Variants in HTR6 observed in about 807,000 individuals in gnomAD.
The protein encoded by HTR6 is 5-hydroxytryptamine receptor 6.
A neutral mutation model predicts 17.4 loss-of-function variants in HTR6; 15 were observed. That is an observed-to-expected ratio of 0.86 (90% confidence interval 0.58 to 1.33). HTR6 has a LOEUF of 1.33. HTR6 is among the 40% of genes most tolerant of loss of function. HTR6 has a pLI of 0.00. For missense variants in HTR6, 578 were observed against 616.0 expected (o/e 0.94, Z 0.65); for synonymous variants, 326 against 295.5 (o/e 1.10, Z -1.06).
intron 1 of HTR6, among the ~76,000 whole-genome samples, chr1:19,670,467 C>CTT (rs34145209): frequency 0.024 from 3,240 of 137,646 alleles, 135 homozygotes; most frequent in African/African-American, 0.082. Flanking sequence ...GTTTTTCTGC[C>CTT]TTTTTTTTTT....
chr1:19,674,262 T>A (rs922742133), intron 1 of HTR6, among the ~76,000 whole-genome samples: 2 of 152,244 alleles, frequency 1.3e-5, no homozygotes, highest in African/African-American at 4.8e-5. Flanking sequence ...ACAAATAGGA[T>A]CATGCTGTAT....
rs2095082239 is a variant in HTR6, at chr1:19,666,810, A to C, written c.714+343A>C. On this transcript the variant is annotated intron_variant, in intron 1 of 2. Coordinates refer to ENST00000289753, the MANE Select transcript of HTR6 (RefSeq NM_000871.3). This position sits in a 1 kb window ranked among gnomAD's most constrained non-coding sequence, Gnocchi z 4.5. The stretch of plus-strand genomic sequence containing the variant: ...GAACTTAGGAATACTTTTCTCCCTC[A>C]CCCTCATGCCATTCATTAGCGAGAC... 6.6e-6 allele frequency among the ~76,000 whole-genome samples: 1 copy of C among 151,556 alleles called. No homozygotes were observed. Among genetic ancestry groups the C allele is most frequent in the Admixed American group, 6.6e-5 (1 of 15,210 alleles).
intron 1 of HTR6, among the ~76,000 whole-genome samples, chr1:19,671,944 G>A (rs544082459): frequency 1.6e-4 from 24 of 152,250 alleles, no homozygotes; most frequent in African/African-American, 5.3e-4. Flanking sequence ...AGGAAGAGCC[G>A]TGGGGCAGAG....
chr1:19,673,664 C>T (rs774997107), intron 1 of HTR6, among the ~76,000 whole-genome samples: 7 of 152,168 alleles, frequency 4.6e-5, no homozygotes, highest in Non-Finnish European at 7.3e-5. Flanking sequence ...CGCCATTGCA[C>T]TCCAGCCTGG....
Position 19,678,622 on chromosome 1 carries a change from C to T in HTR6, c.770C>T (p.Thr257Met), listed in dbSNP as rs756332636. 38 of 1,613,428 alleles carry T rather than the reference C, an allele frequency of 2.4e-5. No homozygotes were observed. Among genetic ancestry groups the T allele is most frequent in the African/African-American group, 1.5e-4 (11 of 74,918 alleles). Residue 257 changes from threonine (T) to methionine (M), a missense_variant, in exon 2 of 3, where the codon ACG becomes ATG. Thr to Met is a moderately conservative substitution (Grantham distance 81). Transcript: ENST00000289753. ...VESADSRRLA[T>M]KHSRKALKAS... ...TCTGCTGACAGCAGGCGTCTAGCCA[C>T]GAAGCACAGCAGGAAGGCCCTGAAG... is the stretch of plus-strand genomic sequence containing the variant.
At chr1:19,668,989 T>C (rs1231996621) in intron 1 of HTR6, among the ~76,000 whole-genome samples, 1 of 152,154 alleles carries the variant, frequency 6.6e-6, no homozygotes, top group African/African-American at 2.4e-5. Context: ...CGTGGGACTT[T>C]CTCTTGACGC....
chr1:19,672,852 A>G (rs2095089824), intron 1 of HTR6, among the ~76,000 whole-genome samples: 1 of 152,092 alleles, frequency 6.6e-6, no homozygotes, highest in African/African-American at 2.4e-5. Flanking sequence ...CAACATAGCG[A>G]GCTCCTGTCT....
In HTR6 at chr1:19,665,850, C is replaced by T; in HGVS notation, c.97C>T (p.Leu33=). ...PGGSGWVAAA[L]CVVIALTAAA... ...GGGCAGCGGCTGGGTGGCGGCCGCG[C>T]TGTGCGTGGTCATCGCGCTGACGGC... The change falls in exon 1 of 3, where the codon CTG becomes TTG. Residue 33 remains leucine, a synonymous_variant. Coordinates refer to ENST00000289753, the MANE Select transcript of HTR6 (RefSeq NM_000871.3). The surrounding 1 kb of genome is among the most constrained non-coding windows in gnomAD (Gnocchi z 4.2). 6.3e-7 allele frequency: 1 copy of T among 1,584,450 alleles called. No individual in the cohort carries two copies. Among genetic ancestry groups the T allele is most frequent in the Non-Finnish European group, 8.6e-7 (1 of 1,165,910 alleles).
rs149152488 is a variant in HTR6, at chr1:19,679,035, G to T, written c.990G>T (p.Ala330=). The T allele has an allele frequency of 1.9e-6, 3 of 1,614,110 alleles. No homozygotes were observed. Among genetic ancestry groups the T allele is most frequent in the Non-Finnish European group, 2.5e-6 (3 of 1,179,964 alleles). The change falls in exon 3 of 3, where the codon GCG becomes GCT. Residue 330 remains alanine (A), a synonymous_variant. Transcript: ENST00000289753. This position sits in a 1 kb window ranked among gnomAD's most constrained non-coding sequence, Gnocchi z 4.9. ...YPLFMRDFKR[A]LGRFLPCPRC... is the part of the protein sequence containing the mutation. ...TCTTCATGCGGGACTTCAAGCGGGCGCTGGGCAGGTTCCTGCCATGTCCAC... is the reference window on the plus strand; with the variant it reads ...TCTTCATGCGGGACTTCAAGCGGGCTCTGGGCAGGTTCCTGCCATGTCCAC...
rs1228749692 is a variant in HTR6 at position 19,679,958 on chromosome 1, C to T, written c.*590C>T. 6.6e-6 allele frequency among the ~76,000 whole-genome samples: 1 copy of T among 152,154 alleles called. No individual in the cohort carries two copies. The highest frequency in any genetic ancestry group is 2.4e-5 in the African/African-American group (1 of 41,446). On this transcript the variant is annotated 3_prime_UTR_variant, in exon 3 of 3. Coordinates refer to ENST00000289753, the MANE Select transcript of HTR6 (RefSeq NM_000871.3). The surrounding 1 kb of genome is among the most constrained non-coding windows in gnomAD (Gnocchi z 4.9). ...CATCTTTAACCCTCAGAATGATTTG[C>T]TGGATGGTTTTTGGACCTGTCAGTC...
Position 19,665,813 on chromosome 1 carries a change from G to A in HTR6, c.60G>A (p.Pro20=). 7 of 1,532,360 alleles carry A rather than the reference G, an allele frequency of 4.6e-6. No individual in the cohort carries two copies. The highest frequency in any genetic ancestry group is 6.1e-6 in the Non-Finnish European group (7 of 1,148,012). 94.9% of individuals were successfully genotyped at this position (1,532,360 alleles called of 1,614,324 possible). A position where few individuals can be genotyped will look rare whatever the true frequency, so the allele number is the denominator to read the frequency against. Residue 20 remains proline (P), a synonymous_variant, in exon 1 of 3, where the codon CCG becomes CCA. Transcript: ENST00000289753. This position sits in a 1 kb window ranked among gnomAD's most constrained non-coding sequence, Gnocchi z 4.2. ...NSTPAWGAGP[P]SAPGGSGWVA... is the part of the protein sequence containing the mutation. ...CCCCGGCCTGGGGGGCAGGGCCGCC[G>A]TCGGCCCCGGGGGGCAGCGGCTGGG... is the stretch of plus-strand genomic sequence containing the variant.
In HTR6 at chr1:19,680,846, T is replaced by C. The variant is rs1166351226; in HGVS notation, c.*1478T>C. 6.6e-6 allele frequency among the ~76,000 whole-genome samples: 1 copy of C among 152,178 alleles called. No homozygotes were observed. The highest frequency in any genetic ancestry group is 1.5e-5 in the Non-Finnish European group (1 of 68,032). ...ATGCCTGGCCTGGCCCTCTCCTTGG[T>C]GCTGATGAGACACAACTCTGGCCCC... On this transcript the variant is annotated 3_prime_UTR_variant, in exon 3 of 3. Coordinates refer to ENST00000289753, the MANE Select transcript of HTR6 (RefSeq NM_000871.3).
chr1:19,667,478 C>T (rs937867706), intron 1 of HTR6, among the ~76,000 whole-genome samples: 2 of 151,676 alleles, frequency 1.3e-5, no homozygotes, highest in Non-Finnish European at 2.9e-5. Context: ...GGCAGTGGTG[C>T]GATCTTGGCT....
In HTR6 at chr1:19,666,548, CT is replaced by C; in HGVS notation, c.714+83del. 9.7e-7 allele frequency: 1 copy of C among 1,035,378 alleles called. No homozygotes were observed. Among genetic ancestry groups the C allele is most frequent in the Non-Finnish European group, 1.4e-6 (1 of 723,112 alleles). The allele number at this position is 1,035,378 out of a possible 1,614,324, so 64.1% of individuals were successfully genotyped here. Reference sequence around the variant, plus strand: ...CCTGGGGACCCCCTGGGCATCCCCACTTAGCACACATTTGCTCATGGCCCTG... The same window carrying C: ...CCTGGGGACCCCCTGGGCATCCCCACTAGCACACATTTGCTCATGGCCCTG... On this transcript the variant is annotated intron_variant, in intron 1 of 2. Coordinates refer to ENST00000289753, the MANE Select transcript of HTR6 (RefSeq NM_000871.3). The surrounding 1 kb of genome is among the most constrained non-coding windows in gnomAD (Gnocchi z 4.5).
intron 1 of HTR6, among the ~76,000 whole-genome samples, chr1:19,669,122 C>T (rs532390900): frequency 6.6e-6 from 1 of 152,300 alleles, no homozygotes; most frequent in Non-Finnish European, 1.5e-5. Flanking sequence ...GGAAGCTCTG[C>T]TCTCGTGACT....
At chr1:19,667,880 G>C (rs960674026) in intron 1 of HTR6, among the ~76,000 whole-genome samples, 1 of 152,248 alleles carries the variant, frequency 6.6e-6, no homozygotes, top group Non-Finnish European at 1.5e-5. Context: ...GAAAGTCCCA[G>C]CTGGGCTCTT....
rs200901499 is a variant in HTR6 at position 19,679,499 on chromosome 1, G to A, written c.*131G>A. 61 of 1,319,688 alleles carry A rather than the reference G, an allele frequency of 4.6e-5. No individual in the cohort carries two copies. The East Asian group carries it at 9.7e-4, about 21-fold the overall frequency. 81.7% of individuals were successfully genotyped at this position (1,319,688 alleles called of 1,614,324 possible). ...AGCCCTCTGAGCTCCAGAGGGGTGC[G>A]CAGAGCTGACCCCCTGCTGCCATCT... On this transcript the variant is annotated 3_prime_UTR_variant, in exon 3 of 3. Coordinates refer to ENST00000289753, the MANE Select transcript of HTR6 (RefSeq NM_000871.3). This position sits in a 1 kb window ranked among gnomAD's most constrained non-coding sequence, Gnocchi z 4.9.
At chr1:19,668,142 C>T (rs2095083807) in intron 1 of HTR6, among the ~76,000 whole-genome samples, 1 of 152,246 alleles carries the variant, frequency 6.6e-6, no homozygotes, top group African/African-American at 2.4e-5. Context: ...TCCCTGCTCC[C>T]TGTAGAACAT....
In HTR6 at chr1:19,678,585, C is replaced by T. The variant is rs201929877; in HGVS notation, c.733C>T (p.Pro245Ser). Residue 245 changes from proline (P) to serine (S), a missense_variant, in exon 2 of 3, where the codon CCA becomes TCA. By Grantham distance (74) the Pro-to-Ser change is moderately conservative. Transcript: ENST00000289753. The stretch of plus-strand genomic sequence containing the variant: ...TCCGCAGGTGCCCAGGACCCCACGC[C>T]CAGGGGTGGAGTCTGCTGACAGCAG... Reference protein sequence around the residue: ...ETLQVPRTPRPGVESADSRRL... With the variant: ...ETLQVPRTPRSGVESADSRRL... 90 of 1,612,514 alleles carry T rather than the reference C, an allele frequency of 5.6e-5. No homozygotes were observed. The highest frequency in any genetic ancestry group is 6.8e-5 in the Non-Finnish European group (80 of 1,179,964).
Sources: allele counts gnomAD v4.1 joint callset (sites outside exome capture counted in the v4.1 genomes callset), GRCh38; gene constraint gnomAD v4.1.1; non-coding constraint Gnocchi (gnomAD v3.1); transcripts MANE v1.5; gene names NCBI Gene and HGNC (gene_info 2026-07-23, HGNC 2026-07-21).